Variants in VPS13B observed in about 807,000 individuals in gnomAD.
VPS13B encodes vacuolar protein sorting 13 homolog B.
Under a neutral mutation model 426.4 loss-of-function variants are expected in VPS13B, and 285 were observed. That is an observed-to-expected ratio of 0.67 (90% confidence interval 0.61 to 0.74). VPS13B has a LOEUF of 0.74. VPS13B is among the 30% of genes least tolerant of loss of function. The pLI is 0.00. For synonymous variants in VPS13B, 1,676 were observed against 1,676.4 expected (o/e 1.00, Z 0.01); for missense variants, 4,537 against 4,782.6 (o/e 0.95, Z 1.51).
chr8:99,823,788 C>A, intron 50 of VPS13B, 44 bp from the exon 51 acceptor site: 1 of 1,589,168 alleles, frequency 6.3e-7, no homozygotes, highest in Non-Finnish European at 8.6e-7. Flanking sequence ...TTTTGATATG[C>A]CTTACAGTAT....
At chr8:99,767,103 G>T in intron 40 of VPS13B, 133 bp downstream of exon 40, 3 of 887,594 alleles carry the variant, frequency 3.4e-6, no homozygotes, top group Non-Finnish European at 3.5e-6. Context: ...CAACAGATGA[G>T]AACCACAAAG....
At position 99,875,452 on chromosome 8, in the gene VPS13B, A is replaced by G. The variant is rs1817654067; in HGVS notation, c.11780A>G (p.Gln3927Arg). 1 of 1,614,082 alleles carries G rather than the reference A, an allele frequency of 6.2e-7. No individual in the cohort carries two copies. The highest frequency in any genetic ancestry group is 1.1e-5 in the South Asian group (1 of 91,090). The change falls in exon 62 of 62, where the codon CAG becomes CGG. Residue 3927 changes from glutamine (Q) to arginine (R), a missense_variant. Around this residue, in one of 2 missense-constraint regions of VPS13B, gnomAD observed 4,311 missense variants for 4,474.3 expected, o/e 0.96. Transcript: ENST00000357162. The stretch of plus-strand genomic sequence containing the variant: ...GTCCGAGAGAGACTGTCAGAGCAAC[A>G]GTACAACAGACTGGTGGACTACATC... ...DGVRERLSEQ[Q>R]YNRLVDYITK...
chr8:99,515,278 C>A (rs1821997147), intron 29 of VPS13B, among the ~76,000 whole-genome samples: 1 of 152,054 alleles, frequency 6.6e-6, no homozygotes, highest in Non-Finnish European at 1.5e-5. Flanking sequence ...TATTGTTTCC[C>A]ATTGAGTTGC....
intron 22 of VPS13B, among the ~76,000 whole-genome samples, chr8:99,435,125 TG>T: frequency 6.6e-6 from 1 of 152,298 alleles, no homozygotes; most frequent in African/African-American, 2.4e-5. Context: ...GCCTAGGGCA[TG>T]TACTTCCTGG....
chr8:99,516,730 G>T (rs995810965), intron 29 of VPS13B, among the ~76,000 whole-genome samples: 1 of 134,242 alleles, frequency 7.4e-6, no homozygotes, highest in Non-Finnish European at 1.6e-5. Context: ...CAGGGCTTCA[G>T]TGAGTTGTGG....
intron 25 of VPS13B, among the ~76,000 whole-genome samples, chr8:99,494,039 A>G (rs550767463): frequency 3.6e-4 from 55 of 152,246 alleles, no homozygotes; most frequent in Middle Eastern, 3.4e-3. Flanking sequence ...TATGTCAAGT[A>G]AAACTAATGA....
intron 2 of VPS13B, among the ~76,000 whole-genome samples, chr8:99,019,603 A>T (rs985201345): frequency 1.3e-5 from 2 of 152,128 alleles, no homozygotes; most frequent in Non-Finnish European, 2.9e-5. Flanking sequence ...CGTCTTCCCA[A>T]ACTGAAATTC....
intron 19 of VPS13B, among the ~76,000 whole-genome samples, chr8:99,333,478 A>G (rs1810653871): frequency 6.6e-6 from 1 of 151,856 alleles, no homozygotes; most frequent in South Asian, 2.1e-4. Flanking sequence ...GATACAATAC[A>G]TAGATCTTGT....
In VPS13B at chr8:99,644,040, G is replaced by A. The variant is rs139119295; in HGVS notation, c.5908+1542G>A. Among the ~76,000 whole-genome samples the A allele has an allele frequency of 7.1e-3, 1,082 of 152,216 alleles. 12 individuals are homozygous for A. Among genetic ancestry groups the A allele is most frequent in the African/African-American group, 0.025 (1,020 of 41,524 alleles). On this transcript the variant is annotated intron_variant, in intron 34 of 61. Coordinates refer to ENST00000357162, the MANE Select transcript of VPS13B (RefSeq NM_152564.5). The stretch of plus-strand genomic sequence containing the variant: ...TCATTAAGTTCACTCAGCTACAGTC[G>A]CTCTATAGGTGGGTGGCCCGTACTA...
At chr8:99,594,811 G>T (rs1296774974) in intron 33 of VPS13B, among the ~76,000 whole-genome samples, 1 of 151,906 alleles carries the variant, frequency 6.6e-6, no homozygotes, top group African/African-American at 2.4e-5. Flanking sequence ...CTAACAGAAG[G>T]ATGTGTGTAT....
intron 40 of VPS13B, among the ~76,000 whole-genome samples, chr8:99,774,692 G>T (rs985914456): frequency 6.6e-6 from 1 of 152,192 alleles, no homozygotes; most frequent in Non-Finnish European, 1.5e-5. Context: ...GTAGTATAAG[G>T]GAAAGAGTTC....
intron 15 of VPS13B, among the ~76,000 whole-genome samples, chr8:99,158,979 T>C (rs897804689): frequency 2.0e-5 from 3 of 152,198 alleles, no homozygotes; most frequent in African/African-American, 7.2e-5. Context: ...CAAAGCAAAT[T>C]GAAAACCTTT....
At chr8:99,727,875 T>A (rs544355343) in intron 39 of VPS13B, among the ~76,000 whole-genome samples, 14 of 152,340 alleles carry the variant, frequency 9.2e-5, no homozygotes, top group African/African-American at 3.4e-4. Flanking sequence ...ACCAAAGAAA[T>A]GGTGCCTAAG....
intron 16 of VPS13B, among the ~76,000 whole-genome samples, chr8:99,176,840 A>T (rs1247382414): frequency 6.6e-6 from 1 of 152,206 alleles, no homozygotes; most frequent in Non-Finnish European, 1.5e-5. Flanking sequence ...CAAAGAGAAG[A>T]TGAAGGATCT....
At chr8:99,065,137 C>G (rs139544490) in intron 3 of VPS13B, among the ~76,000 whole-genome samples, 4,450 of 152,192 alleles carry the variant, frequency 0.029, 98 homozygotes, top group South Asian at 0.064. Flanking sequence ...ACAACCGGTA[C>G]CAGCCACTGC....
intron 24 of VPS13B, among the ~76,000 whole-genome samples, chr8:99,475,496 CTAT>C (rs1327090121): frequency 6.6e-6 from 1 of 152,184 alleles, no homozygotes; most frequent in African/African-American, 2.4e-5. Flanking sequence ...TTAGACTCCA[CTAT>C]TATTCATATT....
At chr8:99,306,944 T>C (rs1820670905) in intron 19 of VPS13B, among the ~76,000 whole-genome samples, 1 of 152,170 alleles carries the variant, frequency 6.6e-6, no homozygotes, top group Admixed American at 6.6e-5. Flanking sequence ...TTTCAAGCTA[T>C]GCTTTGAATG....
intron 16 of VPS13B, among the ~76,000 whole-genome samples, chr8:99,189,433 A>AT (rs1217587985): frequency 6.6e-6 from 1 of 152,040 alleles, no homozygotes; most frequent in African/African-American, 2.4e-5. Context: ...TTTCCTTATC[A>AT]TTTTTGGAGT....
chr8:99,584,498 T>C (rs1426918317), intron 33 of VPS13B, among the ~76,000 whole-genome samples: 1 of 152,212 alleles, frequency 6.6e-6, no homozygotes, highest in African/African-American at 2.4e-5. Flanking sequence ...GAGAGCTTAC[T>C]ATATGCCAGA....
Sources: gnomAD v4.1 joint callset for allele counts (sites outside exome capture counted in the v4.1 genomes callset) on GRCh38, gnomAD v4.1.1 for gene constraint, gnomAD v4.1.1 regional missense constraint, MANE v1.5 for transcripts, NCBI Gene and HGNC (gene_info 2026-07-23, HGNC 2026-07-21) for gene names.